The following FAF1 variants were observed in gnomAD, a reference collection of about 807,000 sequenced individuals.
FAF1 encodes the protein FAS-associated factor 1.
FAF1 carries 25 observed loss-of-function variants against 92.5 expected under a neutral mutation model. The observed-to-expected ratio is 0.27, with a 90% CI of 0.20 to 0.38. FAF1 has a LOEUF of 0.38. FAF1 is among the 10% of genes least tolerant of loss of function. FAF1 has a pLI of 1.00. For synonymous variants in FAF1, 234 were observed against 273.2 expected (o/e 0.86, Z 1.42); for missense variants, 636 against 793.3 (o/e 0.80, Z 2.38).
chr1:50,901,826 C>T (rs560393341), intron 1 of FAF1, among the ~76,000 whole-genome samples: 40 of 152,236 alleles, frequency 2.6e-4, no homozygotes, highest in Admixed American at 1.1e-3. Flanking sequence ...GATCATGCCA[C>T]TGCACTCCAA....
chr1:50,722,636 G>T (rs1426855326), intron 6 of FAF1, among the ~76,000 whole-genome samples: 1 of 138,934 alleles, frequency 7.2e-6, no homozygotes, highest in East Asian at 2.1e-4. Context: ...GCGACAGAGA[G>T]CGACAGTCTC....
intron 1 of FAF1, among the ~76,000 whole-genome samples, chr1:50,937,898 C>T (rs1008987186): frequency 5.9e-5 from 9 of 152,118 alleles, no homozygotes; most frequent in Admixed American, 2.6e-4. Flanking sequence ...AAAACCATGT[C>T]GGGTAATATG....
chr1:50,822,045 G>A (rs1276759190), intron 2 of FAF1, among the ~76,000 whole-genome samples: 2 of 151,532 alleles, frequency 1.3e-5, no homozygotes, highest in African/African-American at 4.9e-5. Flanking sequence ...TAACCCTGCT[G>A]TATATTTTTG....
At chr1:50,716,292 C>G (rs1658169144) in intron 6 of FAF1, among the ~76,000 whole-genome samples, 1 of 152,090 alleles carries the variant, frequency 6.6e-6, no homozygotes, top group South Asian at 2.1e-4. Flanking sequence ...TCCAGAACTC[C>G]CTCTTAAAGT....
chr1:50,933,068 C>T (rs990655570), intron 1 of FAF1, among the ~76,000 whole-genome samples: 4 of 152,278 alleles, frequency 2.6e-5, no homozygotes, highest in South Asian at 4.2e-4. Flanking sequence ...ACCACTTTTC[C>T]TCCTGGGCCT....
intron 2 of FAF1, among the ~76,000 whole-genome samples, chr1:50,835,041 T>C (rs115436027): frequency 0.013 from 2,010 of 152,268 alleles, 39 homozygotes; most frequent in African/African-American, 0.047. Flanking sequence ...TATGACAGAC[T>C]AAAGCTTTAA....
chr1:50,905,434 G>C (rs1311959767), intron 1 of FAF1, among the ~76,000 whole-genome samples: 1 of 152,174 alleles, frequency 6.6e-6, no homozygotes, highest in Non-Finnish European at 1.5e-5. Flanking sequence ...GGTATTTCTA[G>C]TTCTAGATCC....
intron 2 of FAF1, among the ~76,000 whole-genome samples, chr1:50,843,502 T>G (rs184166274): frequency 1.7e-3 from 258 of 152,232 alleles, no homozygotes; most frequent in Non-Finnish European, 2.7e-3. Context: ...TATCTACTTT[T>G]GTACACATAA....
At chr1:50,518,008 A>T (rs1294106898) in intron 15 of FAF1, among the ~76,000 whole-genome samples, 2 of 152,240 alleles carry the variant, frequency 1.3e-5, no homozygotes, top group African/African-American at 4.8e-5. Flanking sequence ...TTTTTAATGT[A>T]CAGTTCTATG....
In FAF1 at chr1:50,561,882, G is replaced by GAAGA. The variant is rs1553227096; in HGVS notation, c.1268+5194_1268+5195insTCTT. Among the ~76,000 whole-genome samples the GAAGA allele has an allele frequency of 9.6e-3, 1,391 of 145,210 alleles. 50 individuals carry two copies. The highest frequency in any genetic ancestry group is 0.037 in the African/African-American group (1,298 of 35,534). On this transcript the variant is annotated intron_variant, in intron 13 of 18. Transcript: ENST00000396153. ...GGAAGGAAGGAAGGAAGGAAGGAAG[G>GAAGA]AAGGAAGGAAGGAAGTTGTGTAAAC...
At chr1:50,824,421 C>T (rs1165887856) in intron 2 of FAF1, among the ~76,000 whole-genome samples, 1 of 151,994 alleles carries the variant, frequency 6.6e-6, no homozygotes, top group African/African-American at 2.4e-5. Context: ...AATGTTAATC[C>T]TTTTTCTCGC....
chr1:50,914,859 T>C (rs923025075), intron 1 of FAF1, among the ~76,000 whole-genome samples: 1 of 152,198 alleles, frequency 6.6e-6, no homozygotes, highest in African/African-American at 2.4e-5. Flanking sequence ...AATATATGCA[T>C]CCACCTTTTT....
At chr1:50,530,335 A>C (rs1470602697) in intron 15 of FAF1, among the ~76,000 whole-genome samples, 3 of 149,660 alleles carry the variant, frequency 2.0e-5, no homozygotes, top group Non-Finnish European at 4.5e-5. Flanking sequence ...GACTAAGAGT[A>C]AAATCTCCTT....
intron 8 of FAF1, among the ~76,000 whole-genome samples, chr1:50,603,215 C>T (rs1217496718): frequency 6.6e-6 from 1 of 152,180 alleles, no homozygotes; most frequent in Non-Finnish European, 1.5e-5. Context: ...AGATACCATC[C>T]ATTAGTCAGA....
At chr1:50,584,560 C>T in intron 10 of FAF1, 125 bp downstream of exon 10, 2 of 861,950 alleles carry the variant, frequency 2.3e-6, no homozygotes, top group South Asian at 2.2e-5. Flanking sequence ...AATGCCTACT[C>T]TCTATTATCT....
At chr1:50,892,669 TTCAGTTGAA>T (rs1246516164) in intron 1 of FAF1, among the ~76,000 whole-genome samples, 4 of 152,246 alleles carry the variant, frequency 2.6e-5, no homozygotes, top group Admixed American at 2.0e-4. Flanking sequence ...GAGGTAGTCT[TTCAGTTGAA>T]TCAGCTTGGT....
intron 9 of FAF1, among the ~76,000 whole-genome samples, chr1:50,587,456 A>AT (rs1165212032): frequency 2.6e-5 from 4 of 152,268 alleles, no homozygotes; most frequent in East Asian, 1.9e-4. Flanking sequence ...GTCTCTTCAT[A>AT]TTTTTTTATC....
intron 8 of FAF1, among the ~76,000 whole-genome samples, chr1:50,608,507 C>T (rs1652530603): frequency 6.6e-6 from 1 of 152,160 alleles, no homozygotes; most frequent in Admixed American, 6.5e-5. Context: ...CATTTCTGTT[C>T]TGTTCACTAG....
intron 2 of FAF1, among the ~76,000 whole-genome samples, chr1:50,816,023 T>C (rs1281724734): frequency 1.4e-5 from 2 of 145,676 alleles, no homozygotes; most frequent in Non-Finnish European, 3.0e-5. Flanking sequence ...TGAGATTCCG[T>C]CTTAAAAAAA....
Sources: allele counts gnomAD v4.1 joint callset (sites outside exome capture counted in the v4.1 genomes callset), GRCh38; gene constraint gnomAD v4.1.1; transcripts MANE v1.5; gene names NCBI Gene and HGNC (gene_info 2026-07-23, HGNC 2026-07-21).